Variants in CAMKMT observed in about 807,000 individuals in gnomAD.
The protein encoded by CAMKMT is CaM KMT.
A neutral mutation model predicts 48.0 loss-of-function variants in CAMKMT; 53 were observed. The observed-to-expected ratio is 1.10, with a 90% CI of 0.89 to 1.39. The LOEUF (loss-of-function observed/expected upper bound fraction) is 1.39, where lower values mean the gene tolerates loss of function less well. Among genes scored for constraint, CAMKMT ranks in the 40% most tolerant of loss-of-function variants. CAMKMT has a pLI of 0.00. For missense variants in CAMKMT, 428 were observed against 402.7 expected (o/e 1.06, Z -0.54); for synonymous variants, 165 against 152.3 (o/e 1.08, Z -0.61).
intron 3 of CAMKMT, among the ~76,000 whole-genome samples, chr2:44,666,367 C>T (rs1047207745): frequency 1.3e-5 from 2 of 152,070 alleles, no homozygotes; most frequent in African/African-American, 4.8e-5. Context: ...TCAACATTTT[C>T]CCACTGCACT....
intron 3 of CAMKMT, among the ~76,000 whole-genome samples, chr2:44,658,981 C>G (rs962598615): frequency 6.6e-6 from 1 of 151,816 alleles, no homozygotes; most frequent in Non-Finnish European, 1.5e-5. Context: ...TTCCCCCTTA[C>G]TGCTAAATTT....
rs139838553 is a variant in CAMKMT, at chr2:44,413,222, A to G, written c.376+22917A>G. On this transcript the variant is annotated intron_variant, in intron 3 of 10. Coordinates refer to ENST00000378494, the MANE Select transcript of CAMKMT (RefSeq NM_024766.5). ...TGTTGTTTTTCACTTGAGTGATCCT[A>G]TACATTAAAGTCACAGTGTACATTG... is the stretch of plus-strand genomic sequence containing the variant. Among the ~76,000 whole-genome samples, 1,391 of 152,310 alleles carry G rather than the reference A, an allele frequency of 9.1e-3. 19 individuals are homozygous for G. The highest frequency in any genetic ancestry group is 0.032 in the African/African-American group (1,311 of 41,570).
chr2:44,653,062 A>C lies in CAMKMT; in HGVS notation c.377-51221A>C, dbSNP rs532676650. 1.4e-4 allele frequency among the ~76,000 whole-genome samples: 21 copies of C among 152,284 alleles called. No homozygotes were observed. The highest frequency in any genetic ancestry group is 1.2e-3 in the Admixed American group (19 of 15,292). On this transcript the variant is annotated intron_variant, in intron 3 of 10. Transcript: ENST00000378494. This position sits in a 1 kb window ranked among gnomAD's most constrained non-coding sequence, Gnocchi z 5.2. ...AGCTTATTCTGTGCACATCCTGGTC[A>C]AATCTGGTCACTTGGCATATTCTGA...
At chr2:44,508,738 T>A (rs1670386330) in intron 3 of CAMKMT, among the ~76,000 whole-genome samples, 3 of 152,198 alleles carry the variant, frequency 2.0e-5, no homozygotes, top group Admixed American at 6.5e-5. Context: ...AGGATATCCT[T>A]ATCAATTTCT....
rs116829076 is a variant in CAMKMT, at chr2:44,530,458, A to G, written c.376+140153A>G. Among the ~76,000 whole-genome samples, 395 of 152,302 alleles carry G rather than the reference A, an allele frequency of 2.6e-3. 4 individuals carry two copies. The highest frequency in any genetic ancestry group is 9.1e-3 in the African/African-American group (378 of 41,584). On this transcript the variant is annotated intron_variant, in intron 3 of 10. Coordinates refer to ENST00000378494, the MANE Select transcript of CAMKMT (RefSeq NM_024766.5). ...TTCATTTAGCTCTTAAGGCACTTCT[A>G]AAAGCATTGTTTAACTGAAAAGATT... is the stretch of plus-strand genomic sequence containing the variant.
intron 3 of CAMKMT, among the ~76,000 whole-genome samples, chr2:44,511,750 C>G (rs1272388331): frequency 6.6e-6 from 1 of 152,202 alleles, no homozygotes; most frequent in Non-Finnish European, 1.5e-5. Flanking sequence ...TCCAGCTGTT[C>G]CCTCCTCCTG....
At chr2:44,491,916 T>C (rs1669527582) in intron 3 of CAMKMT, among the ~76,000 whole-genome samples, 1 of 152,248 alleles carries the variant, frequency 6.6e-6, no homozygotes, top group Non-Finnish European at 1.5e-5. Flanking sequence ...TCTTTTTTAA[T>C]CAATTAAGTA....
At chr2:44,447,185 G>A (rs1232995291) in intron 3 of CAMKMT, among the ~76,000 whole-genome samples, 1 of 152,198 alleles carries the variant, frequency 6.6e-6, no homozygotes. Context: ...GAGGTTCCTA[G>A]TGGTTAAGAG....
At position 44,412,470 on chromosome 2, in the gene CAMKMT, G is replaced by C. The variant is rs993148649; in HGVS notation, c.376+22165G>C. On this transcript the variant is annotated intron_variant, in intron 3 of 10. Transcript: ENST00000378494. ...CCTGCCTCGGCTTCCCGAGTGGCTG[G>C]GATTACAGGTGCCTGCCACCACGCC... Among the ~76,000 whole-genome samples, 3 of 152,126 alleles carry C rather than the reference G, an allele frequency of 2.0e-5. No homozygotes were observed. The South Asian group carries it at 6.2e-4, about 32-fold the overall frequency.
intron 3 of CAMKMT, among the ~76,000 whole-genome samples, chr2:44,635,178 TAC>T (rs1673054052): frequency 6.6e-6 from 1 of 152,170 alleles, no homozygotes; most frequent in East Asian, 1.9e-4. Flanking sequence ...TCATAGAGCA[TAC>T]AGTCTACTGT....
intron 3 of CAMKMT, among the ~76,000 whole-genome samples, chr2:44,392,455 G>A (rs1225722208): frequency 6.6e-6 from 1 of 151,924 alleles, no homozygotes; most frequent in Non-Finnish European, 1.5e-5. Flanking sequence ...AAGTAACCAT[G>A]GACTGAAAAA....
At chr2:44,569,919 T>G (rs1185387809) in intron 3 of CAMKMT, among the ~76,000 whole-genome samples, 2 of 152,190 alleles carry the variant, frequency 1.3e-5, no homozygotes, top group African/African-American at 4.8e-5. Flanking sequence ...ACCTTTTTTT[T>G]AAGTTGCCAT....
At chr2:44,517,515 C>CT (rs1670892173) in intron 3 of CAMKMT, among the ~76,000 whole-genome samples, 1 of 152,178 alleles carries the variant, frequency 6.6e-6, no homozygotes, top group Admixed American at 6.5e-5. Flanking sequence ...ACAGAACTCT[C>CT]TAATACCTCT....
chr2:44,702,888 C>T (rs1282198213), intron 3 of CAMKMT, among the ~76,000 whole-genome samples: 1 of 152,196 alleles, frequency 6.6e-6, no homozygotes, highest in Non-Finnish European at 1.5e-5. Context: ...TTAACACCCT[C>T]TTCTCTGAAA....
At chr2:44,505,948 A>G (rs911398717) in intron 3 of CAMKMT, among the ~76,000 whole-genome samples, 1 of 151,462 alleles carries the variant, frequency 6.6e-6, no homozygotes, top group Admixed American at 6.6e-5. Context: ...GCTTACTGCA[A>G]CCTCCTCCTC....
chr2:44,366,357 T>A (rs1307785882), intron 1 of CAMKMT, among the ~76,000 whole-genome samples: 1 of 152,254 alleles, frequency 6.6e-6, no homozygotes, highest in Admixed American at 6.5e-5. Flanking sequence ...TACTGGATGC[T>A]CTTCACTGAT....
chr2:44,649,268 T>C (rs1011153738), intron 3 of CAMKMT, among the ~76,000 whole-genome samples: 2 of 152,112 alleles, frequency 1.3e-5, no homozygotes, highest in South Asian at 4.1e-4. Flanking sequence ...CTCATTCTTT[T>C]GTTAATTCGG....
chr2:44,536,198 A>T (rs1666764773), intron 3 of CAMKMT, among the ~76,000 whole-genome samples: 1 of 152,216 alleles, frequency 6.6e-6, no homozygotes, highest in South Asian at 2.1e-4. Context: ...CTGATGAAAG[A>T]AATTGAACAG....
At chr2:44,400,643 A>C (rs1682282547) in intron 3 of CAMKMT, 1 of 152,116 alleles carries the variant, frequency 6.6e-6, no homozygotes, top group African/African-American at 2.4e-5. Flanking sequence ...AAATTCAACA[A>C]GTTAATCATT....
Sources: gnomAD v4.1 joint callset for allele counts (sites outside exome capture counted in the v4.1 genomes callset) on GRCh38, gnomAD v4.1.1 for gene constraint, Gnocchi (gnomAD v3.1) non-coding constraint, MANE v1.5 for transcripts, NCBI Gene and HGNC (gene_info 2026-07-23, HGNC 2026-07-21) for gene names.